The following PDGFRA variants were observed in gnomAD, a reference collection of about 807,000 sequenced individuals.
The protein encoded by PDGFRA is platelet derived growth factor receptor alpha, also known as platelet-derived growth factor receptor alpha.
PDGFRA carries 25 observed loss-of-function variants against 121.5 expected under a neutral mutation model. The ratio of observed to expected loss-of-function variants is 0.21; its 90% CI spans 0.15 to 0.29. PDGFRA has a LOEUF of 0.29. Ranked by LOEUF, PDGFRA falls within the 10% of genes least tolerant of loss-of-function variation. PDGFRA has a pLI of 1.00. For synonymous variants in PDGFRA, 463 were observed against 494.8 expected (o/e 0.94, Z 0.85); for missense variants, 1,008 against 1,345.1 (o/e 0.75, Z 3.92).
At chr4:54,269,527 AC>A (rs1723213571) in intron 7 of PDGFRA, among the ~76,000 whole-genome samples, 2 of 151,848 alleles carry the variant, frequency 1.3e-5, no homozygotes, top group Admixed American at 6.6e-5. Flanking sequence ...ACACACACAC[AC>A]ACACACAACC....
intron 17 of PDGFRA, 71 bp from the exon 18 acceptor site, chr4:54,285,770 A>C: frequency 1.3e-6 from 2 of 1,498,440 alleles, no homozygotes; most frequent in Non-Finnish European, 1.8e-6. Flanking sequence ...TGGATCAGCC[A>C]GTCTTGCAGG....
chr4:54,294,820 G>T (rs1024404180), intron 22 of PDGFRA, among the ~76,000 whole-genome samples: 2 of 152,308 alleles, frequency 1.3e-5, no homozygotes, highest in East Asian at 3.9e-4. Flanking sequence ...CAGGCCTTTG[G>T]ATCAGGCATT....
intron 1 of PDGFRA, among the ~76,000 whole-genome samples, chr4:54,236,977 CT>C (rs1262745270): frequency 1.3e-5 from 2 of 150,694 alleles, no homozygotes; most frequent in East Asian, 2.0e-4. Context: ...CCATTGCCCA[CT>C]TTTTTTTTGA....
At chr4:54,252,649 A>G (rs1203525109) in intron 1 of PDGFRA, among the ~76,000 whole-genome samples, 1 of 152,232 alleles carries the variant, frequency 6.6e-6, no homozygotes. Flanking sequence ...AGCTGAAATT[A>G]ACTGAGCCTC....
At position 54,296,282 on chromosome 4, in the gene PDGFRA, G is replaced by T. The variant is rs772353312; in HGVS notation, c.*1010G>T. On this transcript the variant is annotated 3_prime_UTR_variant, in exon 23 of 23. Coordinates refer to ENST00000257290, the MANE Select transcript of PDGFRA (RefSeq NM_006206.6). ...AGTCCTAAAAGTTCTCAATGTAGAGGCATAAACCTGTGCTGAACATAACTT... is the reference window on the plus strand; with the variant it reads ...AGTCCTAAAAGTTCTCAATGTAGAGTCATAAACCTGTGCTGAACATAACTT... 8.6e-6 allele frequency: 2 copies of T among 232,340 alleles called. No homozygotes were observed. The highest frequency in any genetic ancestry group is 1.7e-5 in the Non-Finnish European group (2 of 117,794). The allele number at this position is 232,340 out of a possible 1,614,324, so 14.4% of individuals were successfully genotyped here. A position where few individuals can be genotyped will look rare whatever the true frequency, so the allele number is the denominator to read the frequency against.
chr4:54,244,740 G>A (rs1270561480), intron 1 of PDGFRA, among the ~76,000 whole-genome samples: 4 of 152,206 alleles, frequency 2.6e-5, no homozygotes, highest in Admixed American at 2.6e-4. Context: ...CGAGTTGAGA[G>A]AAGAAGGCTT....
chr4:54,294,318 G>A (rs897703741), intron 22 of PDGFRA, among the ~76,000 whole-genome samples: 2 of 151,912 alleles, frequency 1.3e-5, no homozygotes, highest in African/African-American at 4.8e-5. Context: ...CTTTGTGTTT[G>A]TGGGCTCTGA....
intron 19 of PDGFRA, among the ~76,000 whole-genome samples, chr4:54,288,034 G>T (rs182512515): frequency 2.6e-5 from 4 of 152,222 alleles, no homozygotes; most frequent in East Asian, 3.9e-4. Context: ...TGGGCTATCC[G>T]GTGAGGTCCC....
rs993266242 is a variant in PDGFRA, at chr4:54,279,369, G to A, written c.2156+854G>A. On this transcript the variant is annotated intron_variant, in intron 15 of 22. Transcript: ENST00000257290. ...TGCCAGGTGCCATGACAAATATTCCGCTAGTCTTTCCCATCTTTGTCAGTG... is the reference window on the plus strand; with the variant it reads ...TGCCAGGTGCCATGACAAATATTCCACTAGTCTTTCCCATCTTTGTCAGTG... Among the ~76,000 whole-genome samples the A allele has an allele frequency of 3.2e-4, 49 of 152,086 alleles. 1 individual carries two copies. Among genetic ancestry groups the A allele is most frequent in the Admixed American group, 4.6e-4 (7 of 15,262 alleles).
chr4:54,264,505 A>C, intron 4 of PDGFRA: 1 of 279,984 alleles, frequency 3.6e-6, no homozygotes, highest in South Asian at 3.8e-5. Flanking sequence ...ACTGAGAATA[A>C]CTGAGGAGCA....
rs186066671 is a variant in PDGFRA, at chr4:54,265,786, G to A, written c.759+737G>A. On this transcript the variant is annotated intron_variant, in intron 5 of 22. Coordinates refer to ENST00000257290, the MANE Select transcript of PDGFRA (RefSeq NM_006206.6). ...AAGACAGCCATGTGTAAGAGGCTAT[G>A]AATGCCCAAATGCAGGAATGACTAA... 1.8e-4 allele frequency among the ~76,000 whole-genome samples: 28 copies of A among 152,272 alleles called. 1 individual carries two copies. Among genetic ancestry groups the A allele is most frequent in the East Asian group, 1.5e-3 (8 of 5,180 alleles).
At chr4:54,240,049 T>G in intron 1 of PDGFRA, 1 of 421,764 alleles carries the variant, frequency 2.4e-6, no homozygotes, top group Non-Finnish European at 4.8e-6. Flanking sequence ...GACGGGGTTT[T>G]GCCATGCTGC....
intron 1 of PDGFRA, among the ~76,000 whole-genome samples, chr4:54,251,381 CAT>C (rs1254684714): frequency 6.6e-6 from 1 of 152,122 alleles, no homozygotes; most frequent in African/African-American, 2.4e-5. Flanking sequence ...AAATTTGGAG[CAT>C]ATGTCTTTCT....
chr4:54,273,125 G>A (rs1472029845), intron 9 of PDGFRA, among the ~76,000 whole-genome samples: 2 of 152,142 alleles, frequency 1.3e-5, no homozygotes, highest in Non-Finnish European at 2.9e-5. Context: ...GAGGATCATC[G>A]CAACCCTAGT....
intron 11 of PDGFRA, 47 bp downstream of exon 11, chr4:54,274,672 C>A (rs2110297597): frequency 6.7e-7 from 1 of 1,503,710 alleles, no homozygotes; most frequent in Non-Finnish European, 9.3e-7. Context: ...CCAATGAGAA[C>A]AAGCATAGCA....
intron 1 of PDGFRA, among the ~76,000 whole-genome samples, chr4:54,244,967 A>G (rs1204196161): frequency 6.6e-6 from 1 of 152,222 alleles, no homozygotes; most frequent in Non-Finnish European, 1.5e-5. Context: ...AAAGGGTATC[A>G]GTGATGGAAG....
chr4:54,249,140 G>T lies in PDGFRA; in HGVS notation c.-12-9617G>T, dbSNP rs1721890820. ...TTGGTGTAAAAGTGTTGGTGGGACTGTAAACTAGTTCAACCCTTGTGGGAC... is the reference window on the plus strand; with the variant it reads ...TTGGTGTAAAAGTGTTGGTGGGACTTTAAACTAGTTCAACCCTTGTGGGAC... On this transcript the variant is annotated intron_variant, in intron 1 of 22. Coordinates refer to ENST00000257290, the MANE Select transcript of PDGFRA (RefSeq NM_006206.6). 3.9e-5 allele frequency among the ~76,000 whole-genome samples: 6 copies of T among 152,212 alleles called. No individual in the cohort carries two copies. In the South Asian group the frequency reaches 1.2e-3, roughly 32 times the overall value.
At position 54,285,387 on chromosome 4, in the gene PDGFRA, C is replaced by T; in HGVS notation, c.2340C>T (p.Asn780=). ...TTTCTGCAGACTCAGAAGTCAAAAA[C>T]CTCCTTTCAGATGATAACTCAGAAG... ...KKSMLDSEVK[N]LLSDDNSEGL... The change falls in exon 17 of 23, where the codon AAC becomes AAT. Residue 780 remains asparagine, a synonymous_variant. Transcript: ENST00000257290. 2 of 1,469,672 alleles carry T rather than the reference C, an allele frequency of 1.4e-6. No individual in the cohort carries two copies. The highest frequency in any genetic ancestry group is 1.9e-6 in the Non-Finnish European group (2 of 1,048,030). 91.0% of individuals were successfully genotyped at this position (1,469,672 alleles called of 1,614,324 possible). A position where few individuals can be genotyped will look rare whatever the true frequency, so the allele number is the denominator to read the frequency against.
intron 1 of PDGFRA, among the ~76,000 whole-genome samples, chr4:54,245,606 A>G (rs1721599973): frequency 1.3e-5 from 2 of 152,228 alleles, no homozygotes; most frequent in Non-Finnish European, 2.9e-5. Flanking sequence ...CCACTGCAAA[A>G]TCATGCCAAA....
Sources: gnomAD v4.1 joint callset for allele counts (sites outside exome capture counted in the v4.1 genomes callset) on GRCh38, gnomAD v4.1.1 for gene constraint, MANE v1.5 for transcripts, NCBI Gene and HGNC (gene_info 2026-07-23, HGNC 2026-07-21) for gene names.